Variants in SLC7A6 observed in about 807,000 individuals in gnomAD.
The protein encoded by SLC7A6 is Y+L amino acid transporter 2.
SLC7A6 carries 29 observed loss-of-function variants against 46.6 expected under a neutral mutation model. The ratio of observed to expected loss-of-function variants is 0.62; its 90% confidence interval spans 0.46 to 0.85. The LOEUF (loss-of-function observed/expected upper bound fraction) is 0.85, where lower values mean the gene tolerates loss of function less well. Ranked by LOEUF, SLC7A6 falls within the 40% of genes least tolerant of loss-of-function variation. The pLI is 0.00. For missense variants in SLC7A6, 527 were observed against 647.6 expected (o/e 0.81, Z 2.02); for synonymous variants, 276 against 257.3 (o/e 1.07, Z -0.70).
chr16:68,285,414 A>G (rs986051361), intron 3 of SLC7A6, among the ~76,000 whole-genome samples: 2 of 152,178 alleles, frequency 1.3e-5, no homozygotes, highest in African/African-American at 4.8e-5. Context: ...ATGTTAGCTG[A>G]TTGAGGCTTA....
chr16:68,273,291 G>A (rs1178649671), intron 2 of SLC7A6, among the ~76,000 whole-genome samples: 1 of 152,180 alleles, frequency 6.6e-6, no homozygotes, highest in Non-Finnish European at 1.5e-5. Flanking sequence ...GAACAGATAA[G>A]AGACTTCTGG....
chr16:68,281,446 A>G (rs866189218), intron 3 of SLC7A6, among the ~76,000 whole-genome samples: 3 of 152,182 alleles, frequency 2.0e-5, no homozygotes, highest in Non-Finnish European at 2.9e-5. Context: ...GCTTCTCACA[A>G]TAAAGACTTA....
chr16:68,282,316 C>T (rs902208386), intron 3 of SLC7A6, among the ~76,000 whole-genome samples: 1 of 152,040 alleles, frequency 6.6e-6, no homozygotes, highest in Non-Finnish European at 1.5e-5. Context: ...TGCCTGTAAT[C>T]TCAGCAGTTT....
intron 3 of SLC7A6, among the ~76,000 whole-genome samples, chr16:68,283,738 T>C (rs1567588940): frequency 6.6e-6 from 1 of 152,138 alleles, no homozygotes; most frequent in Non-Finnish European, 1.5e-5. Context: ...CTCACGTGGG[T>C]CCCACGCTCC....
At chr16:68,293,378 C>A (rs951150383) in intron 7 of SLC7A6, among the ~76,000 whole-genome samples, 1 of 152,174 alleles carries the variant, frequency 6.6e-6, no homozygotes, top group African/African-American at 2.4e-5. Flanking sequence ...GAGCCGAGAT[C>A]GCGCCATTGA....
chr16:68,294,277 C>T (rs1420486346), intron 7 of SLC7A6, among the ~76,000 whole-genome samples: 1 of 152,154 alleles, frequency 6.6e-6, no homozygotes, highest in Non-Finnish European at 1.5e-5. Context: ...CTCAGTCTTG[C>T]CTTACATCAG....
intron 3 of SLC7A6, among the ~76,000 whole-genome samples, chr16:68,286,936 T>C (rs1393011452): frequency 1.3e-5 from 2 of 152,080 alleles, no homozygotes; most frequent in Non-Finnish European, 1.5e-5. Context: ...GTCGTGAGAA[T>C]TGATGGAGAG....
At chr16:68,285,420 G>T (rs995541850) in intron 3 of SLC7A6, among the ~76,000 whole-genome samples, 1 of 152,172 alleles carries the variant, frequency 6.6e-6, no homozygotes, top group Non-Finnish European at 1.5e-5. Flanking sequence ...GCTGATTGAG[G>T]CTTAACCCCA....
Position 68,293,747 on chromosome 16 carries a change from T to A in SLC7A6, c.1023-958T>A, listed in dbSNP as rs181081790. On this transcript the variant is annotated intron_variant, in intron 7 of 10. Transcript: ENST00000219343. ...CATTTTGCCTATGCACATGCTCGTT[T>A]TTTCCACCTACCGACTTGCTTCTGG... Among the ~76,000 whole-genome samples, 17 of 152,336 alleles carry A rather than the reference T, an allele frequency of 1.1e-4. No individual in the cohort carries two copies. The East Asian group carries it at 3.3e-3, about 29-fold the overall frequency.
intron 5 of SLC7A6, 157 bp downstream of exon 5, chr16:68,290,697 GGAGT>G (rs1336487885): frequency 1.1e-6 from 1 of 881,322 alleles, no homozygotes; most frequent in Non-Finnish European, 1.7e-6. Context: ...GGCTAGAATG[GGAGT>G]GAGTGAAGGT....
rs1567597614 is a variant in SLC7A6 at position 68,297,310 on chromosome 16, T to C, written c.1530T>C (p.Asp510=). The C allele has an allele frequency of 6.2e-7, 1 of 1,614,088 alleles. No individual in the cohort carries two copies. The highest frequency in any genetic ancestry group is 8.5e-7 in the Non-Finnish European group (1 of 1,180,010). The change falls in exon 11 of 11, where the codon GAT becomes GAC. Residue 510 remains aspartate, a synonymous_variant. Transcript: ENST00000219343. The part of the protein sequence containing the change: ...TELDVAEEKK[D]ERKTD ...TTGATGTAGCCGAAGAAAAAAAGGA[T>C]GAGAGGAAAACTGACTAGAGGTCAG...
intron 2 of SLC7A6, among the ~76,000 whole-genome samples, chr16:68,267,013 C>T (rs2042544773): frequency 6.6e-6 from 1 of 151,914 alleles, no homozygotes; most frequent in Non-Finnish European, 1.5e-5. Context: ...CTGCTCACTG[C>T]AACCTCTGCC....
At position 68,296,672 on chromosome 16, in the gene SLC7A6, C is replaced by T; in HGVS notation, c.1315C>T (p.Leu439=). 6.2e-7 allele frequency: 1 copy of T among 1,614,216 alleles called. No homozygotes were observed. Among genetic ancestry groups the T allele is most frequent in the South Asian group, 1.1e-5 (1 of 91,088 alleles). ...PIVFCICSVF[L]VIVPLFTDTI... ...CGTGTTCTGCATATGCTCCGTGTTT[C>T]TGGTGATAGTGCCCCTCTTCACTGA... The change falls in exon 10 of 11, where the codon CTG becomes TTG. Residue 439 remains leucine (L), a synonymous_variant. Coordinates refer to ENST00000219343, the MANE Select transcript of SLC7A6 (RefSeq NM_003983.6).
intron 3 of SLC7A6, among the ~76,000 whole-genome samples, chr16:68,280,126 G>A (rs1056839184): frequency 2.0e-4 from 30 of 152,212 alleles, no homozygotes; most frequent in African/African-American, 6.0e-4. Context: ...TGGGAACAAC[G>A]TGGTTTCAGG....
intron 2 of SLC7A6, among the ~76,000 whole-genome samples, chr16:68,272,270 T>C (rs981487262): frequency 2.8e-5 from 4 of 145,256 alleles, no homozygotes; most frequent in Non-Finnish European, 6.2e-5. Flanking sequence ...AAAAAAAAAA[T>C]ACATAAATAA....
At chr16:68,294,904 C>A in intron 8 of SLC7A6, 103 bp downstream of exon 8, 1 of 724,656 alleles carries the variant, frequency 1.4e-6, no homozygotes, top group South Asian at 1.7e-5. Context: ...AGGCCTTACT[C>A]TAAGATGTGA....
intron 6 of SLC7A6, 71 bp from the exon 7 acceptor site, chr16:68,291,487 C>T (rs747129025): frequency 6.3e-6 from 10 of 1,583,694 alleles, no homozygotes. Context: ...TGCATTTGTT[C>T]CGAGATCATA....
At chr16:68,292,657 C>G (rs1312706245) in intron 7 of SLC7A6, 8 of 152,214 alleles carry the variant, frequency 5.3e-5, no homozygotes, top group Admixed American at 5.2e-4. Flanking sequence ...GCCACCATAC[C>G]TGGCCCTGGA....
At chr16:68,287,574 G>A in intron 3 of SLC7A6, 172 bp from the exon 4 acceptor site, 3 of 1,470,018 alleles carry the variant, frequency 2.0e-6, no homozygotes, top group Non-Finnish European at 2.7e-6. Context: ...TGTGCTGTCA[G>A]CTGGGGCGGG....
Sources: gnomAD v4.1 joint callset for allele counts (sites outside exome capture counted in the v4.1 genomes callset) on GRCh38, gnomAD v4.1.1 for gene constraint, MANE v1.5 for transcripts, NCBI Gene and HGNC (gene_info 2026-07-23, HGNC 2026-07-21) for gene names.